ZNF148: variants seen among roughly 807,000 people sequenced by gnomAD.
ZNF148 encodes the protein zinc finger protein 148, also known as Beta-Enolase Repressor Factor-1.
A neutral mutation model predicts 67.7 loss-of-function variants in ZNF148; 7 were observed. That is an observed-to-expected ratio of 0.10 (90% confidence interval 0.06 to 0.19). The LOEUF is 0.19. Among genes scored for constraint, ZNF148 ranks in the 10% least tolerant of loss-of-function variants. The pLI is 1.00. For missense variants in ZNF148, 583 were observed against 947.1 expected, an observed-to-expected ratio of 0.62 and a Z score of 5.05; for synonymous variants, 333 against 330.7, an observed-to-expected ratio of 1.01 and a Z score of -0.08.
intron 1 of ZNF148, among the ~76,000 whole-genome samples, chr3:125,347,476 G>T (rs1436114437): frequency 6.6e-6 from 1 of 152,108 alleles, no homozygotes; most frequent in East Asian, 1.9e-4. Flanking sequence ...GTACTGGCAT[G>T]AAGATAAACA....
At chr3:125,365,596 C>G (rs542555037) in intron 1 of ZNF148, among the ~76,000 whole-genome samples, 9 of 152,218 alleles carry the variant, frequency 5.9e-5, no homozygotes, top group African/African-American at 1.4e-4. Flanking sequence ...GGGAGGGGAT[C>G]ACTGGAGCCC....
At chr3:125,333,092 A>G (rs1235231751) in intron 1 of ZNF148, among the ~76,000 whole-genome samples, 1 of 152,218 alleles carries the variant, frequency 6.6e-6, no homozygotes, top group Non-Finnish European at 1.5e-5. Context: ...ATATTATTAC[A>G]CATCTCATCA....
At position 125,333,570 on chromosome 3, in the gene ZNF148, A is replaced by T. The variant is rs555139229; in HGVS notation, c.-233-2332T>A. ...AGAACCTACTAAGATGGAAACGGAA[A>T]CCATGCAAATACAAAAAGACAGATA... On this transcript the variant is annotated intron_variant, in intron 1 of 8. Coordinates refer to ENST00000360647, the MANE Select transcript of ZNF148 (RefSeq NM_021964.3). Among the ~76,000 whole-genome samples, 36 of 152,340 alleles carry T rather than the reference A, an allele frequency of 2.4e-4. No individual in the cohort carries two copies. The South Asian group carries it at 6.0e-3, about 25-fold the overall frequency.
chr3:125,341,534 T>C (rs991703055), intron 1 of ZNF148, among the ~76,000 whole-genome samples: 1 of 151,980 alleles, frequency 6.6e-6, no homozygotes, highest in Non-Finnish European at 1.5e-5. Context: ...GGTAAGAAGA[T>C]TGCTTGAGCC....
intron 4 of ZNF148, among the ~76,000 whole-genome samples, chr3:125,301,285 G>A (rs888891311): frequency 2.0e-5 from 3 of 152,226 alleles, no homozygotes; most frequent in Non-Finnish European, 4.4e-5. Flanking sequence ...TTGAGGCCAG[G>A]AGTTTGAGAC....
intron 1 of ZNF148, among the ~76,000 whole-genome samples, chr3:125,371,235 A>G (rs1167593211): frequency 1.3e-5 from 2 of 151,704 alleles, no homozygotes. Flanking sequence ...TCATGCCTGT[A>G]TTCCCGGCTA....
chr3:125,246,377 T>A (rs1469314878), intron 7 of ZNF148, among the ~76,000 whole-genome samples: 2 of 152,188 alleles, frequency 1.3e-5, no homozygotes, highest in Non-Finnish European at 2.9e-5. Flanking sequence ...CATTATGTGA[T>A]GCAACATAAA....
chr3:125,249,239 T>C (rs907049972), intron 7 of ZNF148, among the ~76,000 whole-genome samples: 12 of 151,972 alleles, frequency 7.9e-5, no homozygotes, highest in African/African-American at 2.9e-4. Flanking sequence ...ACCTATGGAA[T>C]GGGAAAAAAC....
chr3:125,259,774 A>G (rs772014869), intron 7 of ZNF148, among the ~76,000 whole-genome samples: 1 of 152,178 alleles, frequency 6.6e-6, no homozygotes, highest in Non-Finnish European at 1.5e-5. Context: ...TAGTACTTTT[A>G]ATTTCCTTTA....
chr3:125,335,349 T>C (rs2107720835), intron 1 of ZNF148, among the ~76,000 whole-genome samples: 2 of 152,262 alleles, frequency 1.3e-5, no homozygotes, highest in South Asian at 4.1e-4. Context: ...TTTCTAATTA[T>C]GGAATCACAG....
intron 4 of ZNF148, among the ~76,000 whole-genome samples, chr3:125,298,729 A>T (rs1267122368): frequency 7.0e-6 from 1 of 142,318 alleles, no homozygotes; most frequent in Non-Finnish European, 1.5e-5. Context: ...GGTTCATGCC[A>T]TTCTCCTGCC....
In ZNF148 at chr3:125,279,748, T is replaced by TAA. The variant is rs397716651; in HGVS notation, c.460-503_460-502dup. On this transcript the variant is annotated intron_variant, in intron 5 of 8. Transcript: ENST00000360647. ...AAAAGCGTGTCAGGATTTGTTAAGT[T>TAA]AAAAAAAAAAAAGGCAAAGTTTAGA... 6.0e-4 allele frequency among the ~76,000 whole-genome samples: 89 copies of TAA among 147,818 alleles called. 2 individuals carry two copies. Among genetic ancestry groups the TAA allele is most frequent in the South Asian group, 2.8e-3 (13 of 4,686 alleles).
intron 4 of ZNF148, 38 bp downstream of exon 4, chr3:125,313,270 T>G (rs773344868): frequency 1.3e-6 from 2 of 1,524,074 alleles, no homozygotes; most frequent in African/African-American, 2.8e-5. Context: ...CAAAAAATTA[T>G]GTTTCTAAGT....
At chr3:125,332,025 C>T (rs1287931442) in intron 1 of ZNF148, among the ~76,000 whole-genome samples, 3 of 152,064 alleles carry the variant, frequency 2.0e-5, no homozygotes, top group Admixed American at 1.3e-4. Flanking sequence ...TTTAGGGATC[C>T]ATAAATACCT....
chr3:125,370,018 G>A (rs2107798920), intron 1 of ZNF148, among the ~76,000 whole-genome samples: 1 of 151,954 alleles, frequency 6.6e-6, no homozygotes, highest in East Asian at 1.9e-4. Flanking sequence ...CAAATTCCTT[G>A]AGAGAAGAAG....
rs1935839753 is a variant in ZNF148 at position 125,231,127 on chromosome 3, T to C, written c.*1214A>G. 6.6e-6 allele frequency: 1 copy of C among 152,238 alleles called. No individual in the cohort carries two copies. The highest frequency in any genetic ancestry group is 1.5e-5 in the Non-Finnish European group (1 of 67,748). The allele number at this position is 152,238 out of a possible 1,614,324, so 9.4% of individuals were successfully genotyped here. ...CTGGAATTAGTAAACACTTTTGGTT[T>C]GTAAAGTTGTAATGAGCAGTGTTCA... On this transcript the variant is annotated 3_prime_UTR_variant, in exon 9 of 9. Transcript: ENST00000360647.
chr3:125,346,939 C>T (rs1941966957), intron 1 of ZNF148, among the ~76,000 whole-genome samples: 1 of 152,006 alleles, frequency 6.6e-6, no homozygotes. Context: ...TTCCAAATGA[C>T]ATGATCATAT....
At chr3:125,300,767 A>G (rs1939542829) in intron 4 of ZNF148, among the ~76,000 whole-genome samples, 1 of 134,494 alleles carries the variant, frequency 7.4e-6, no homozygotes, top group Non-Finnish European at 1.6e-5. Flanking sequence ...ATACAAAGCA[A>G]TAGTTTTCTA....
Position 125,231,469 on chromosome 3 carries a change from A to G in ZNF148, c.*872T>C, listed in dbSNP as rs1044644289. 1.2e-4 allele frequency: 18 copies of G among 152,692 alleles called. No homozygotes were observed. Among genetic ancestry groups the G allele is most frequent in the Non-Finnish European group, 2.4e-4 (16 of 67,974 alleles). 9.5% of individuals were successfully genotyped at this position (152,692 alleles called of 1,614,324 possible). A position where few individuals can be genotyped will look rare whatever the true frequency, so the allele number is the denominator to read the frequency against. ...GTAAAGTAAAATACAATTAAGCTTT[A>G]AAACGTGGAATATACATTTTGTGTA... On this transcript the variant is annotated 3_prime_UTR_variant, in exon 9 of 9. Transcript: ENST00000360647.
Sources: gnomAD v4.1 joint callset for allele counts (sites outside exome capture counted in the v4.1 genomes callset) on GRCh38, gnomAD v4.1.1 for gene constraint, MANE v1.5 for transcripts, NCBI Gene and HGNC (gene_info 2026-07-23, HGNC 2026-07-21) for gene names.